The following DISP1 variants were observed in gnomAD, a reference collection of about 807,000 sequenced individuals.
DISP1 encodes dispatched RND transporter family member 1.
In DISP1, 30 loss-of-function variants were observed where a neutral mutation model predicts 37.3. The ratio of observed to expected loss-of-function variants is 0.80; its 90% CI spans 0.60 to 1.09. The LOEUF (loss-of-function observed/expected upper bound fraction) is 1.09. Among genes scored for constraint, DISP1 ranks in the 50% least tolerant of loss-of-function variants. The pLI is 0.00. For missense variants in DISP1, 1,598 were observed against 1,879.5 expected, an observed-to-expected ratio of 0.85 and a Z score of 2.77; for synonymous variants, 634 against 690.2, an observed-to-expected ratio of 0.92 and a Z score of 1.28.
At chr1:222,839,009 G>A (rs1422285150) in intron 1 of DISP1, among the ~76,000 whole-genome samples, 1 of 152,138 alleles carries the variant, frequency 6.6e-6, no homozygotes, top group Non-Finnish European at 1.5e-5. Flanking sequence ...AAAATCTTGG[G>A]AACTCTGTGT....
chr1:223,004,496 G>A lies in DISP1; in HGVS notation c.3099G>A (p.Glu1033=), dbSNP rs777415270. ...GTTCTCTTGTCCTGCTGGGCTGGGAGCTCAATGTGTTGGAATCTGTCACCA... is the reference window on the plus strand; with the variant it reads ...GTTCTCTTGTCCTGCTGGGCTGGGAACTCAATGTGTTGGAATCTGTCACCA... ...TVGSLVLLGW[E]LNVLESVTIS... Residue 1033 remains glutamate, a synonymous_variant, in exon 9 of 9, where the codon GAG becomes GAA. Coordinates refer to ENST00000675850, the MANE Select transcript of DISP1 (RefSeq NM_001377229.1). This position sits in a 1 kb window ranked among gnomAD's most constrained non-coding sequence, Gnocchi z 4.9. 1 of 1,614,248 alleles carries A rather than the reference G, an allele frequency of 6.2e-7. No individual in the cohort carries two copies. Among genetic ancestry groups the A allele is most frequent in the Admixed American group, 1.7e-5 (1 of 60,028 alleles).
At chr1:222,987,867 C>G (rs897631854) in intron 4 of DISP1, among the ~76,000 whole-genome samples, 3 of 151,922 alleles carry the variant, frequency 2.0e-5, no homozygotes, top group Admixed American at 6.5e-5. Context: ...TTTTAATGGT[C>G]TAAAATGTAA....
chr1:222,955,226 A>G (rs1023293836), intron 3 of DISP1, among the ~76,000 whole-genome samples: 2 of 151,960 alleles, frequency 1.3e-5, no homozygotes, highest in Non-Finnish European at 2.9e-5. Context: ...AGCTGGAACT[A>G]CAGATGCATG....
At chr1:222,936,970 TA>T (rs1177200612) in intron 2 of DISP1, among the ~76,000 whole-genome samples, 1 of 65,558 alleles carries the variant, frequency 1.5e-5, no homozygotes, top group Non-Finnish European at 3.3e-5. Flanking sequence ...TATTTATAAA[TA>T]ATATTTTATA....
chr1:222,818,128 A>G (rs145451463), intron 1 of DISP1, among the ~76,000 whole-genome samples: 1 of 151,846 alleles, frequency 6.6e-6, no homozygotes, highest in African/African-American at 2.4e-5. Context: ...TAGAAGAACT[A>G]TTGGATAAAT....
At chr1:222,950,412 A>G (rs1675123866) in intron 3 of DISP1, among the ~76,000 whole-genome samples, 1 of 152,134 alleles carries the variant, frequency 6.6e-6, no homozygotes, top group South Asian at 2.1e-4. Context: ...CGTCCTGGCT[A>G]ACACAGTGAA....
At position 223,004,364 on chromosome 1, in the gene DISP1, G is replaced by T; in HGVS notation, c.2967G>T (p.Gly989=). The part of the protein sequence containing the change: ...SLSDGTLIAM[G]LSVAVAFSVM... ...CCGATGGCACCCTCATTGCCATGGG[G>T]CTGTCAGTTGCTGTTGCATTTAGCG... The change falls in exon 9 of 9, where the codon GGG becomes GGT. Residue 989 remains glycine, a synonymous_variant. Coordinates refer to ENST00000675850, the MANE Select transcript of DISP1 (RefSeq NM_001377229.1). The surrounding 1 kb of genome is among the most constrained non-coding windows in gnomAD (Gnocchi z 4.9). 6.2e-7 allele frequency: 1 copy of T among 1,614,214 alleles called. No homozygotes were observed. The highest frequency in any genetic ancestry group is 8.5e-7 in the Non-Finnish European group (1 of 1,180,042).
Position 223,005,149 on chromosome 1 carries a change from T to C in DISP1, c.3752T>C (p.Leu1251Ser). The C allele has an allele frequency of 6.2e-7, 1 of 1,614,178 alleles. No homozygotes were observed. Among genetic ancestry groups the C allele is most frequent in the Middle Eastern group, 1.6e-4 (1 of 6,062 alleles). ...KSTESDAGSA[L>S]LQPPLEQHTV... ...ACTGAAAGTGACGCTGGCTCTGCCT[T>C]GTTACAGCCCCCTCTTGAACAGCAT... Residue 1251 changes from leucine (L) to serine (S), a missense_variant, in exon 9 of 9, where the codon TTG becomes TCG. Physicochemically the swap from Leu to Ser is moderately radical, Grantham distance 145 (BLOSUM62 -2). Transcript: ENST00000675850.
rs1472139214 is a variant in DISP1 at position 222,991,500 on chromosome 1, C to T, written c.664-20C>T. 6 of 1,613,482 alleles carry T rather than the reference C, an allele frequency of 3.7e-6. No individual in the cohort carries two copies. The East Asian group carries it at 8.9e-5, about 24-fold the overall frequency. On this transcript the variant is annotated intron_variant, in intron 5 of 8. Coordinates refer to ENST00000675850, the MANE Select transcript of DISP1 (RefSeq NM_001377229.1). ...GCCTGAAATGAAATATACTAATGAG[C>T]ACCTGTAATTTTGCCTTAGGGTTTT... is the stretch of plus-strand genomic sequence containing the variant.
At chr1:222,964,274 G>A (rs1450746285) in intron 3 of DISP1, among the ~76,000 whole-genome samples, 1 of 144,620 alleles carries the variant, frequency 6.9e-6, no homozygotes, top group Non-Finnish European at 1.5e-5. Context: ...ACTCCAGCCT[G>A]GCGACAGAGC....
chr1:222,824,694 T>C (rs1663856030), intron 1 of DISP1, among the ~76,000 whole-genome samples: 1 of 152,202 alleles, frequency 6.6e-6, no homozygotes, highest in Non-Finnish European at 1.5e-5. Flanking sequence ...TAAAAATATT[T>C]GCTGCATCAA....
At chr1:222,936,796 T>A (rs1297436026) in intron 2 of DISP1, among the ~76,000 whole-genome samples, 1 of 40,358 alleles carries the variant, frequency 2.5e-5, no homozygotes, top group Admixed American at 3.8e-4. Flanking sequence ...ATATATATAA[T>A]ATATTATATA....
chr1:222,975,960 A>G (rs1329628729), intron 3 of DISP1, among the ~76,000 whole-genome samples: 1 of 152,122 alleles, frequency 6.6e-6, no homozygotes. Flanking sequence ...ACCCAAGCTT[A>G]TCTACACTAC....
chr1:223,002,627 G>A lies in DISP1; in HGVS notation c.1230G>A (p.Lys410=). Residue 410 remains lysine, a synonymous_variant, in exon 9 of 9, where the codon AAG becomes AAA. Coordinates refer to ENST00000675850, the MANE Select transcript of DISP1 (RefSeq NM_001377229.1). The part of the protein sequence containing the change: ...DMAARRKDQL[K]CTNVPRKCTK... ...CAGCCAGAAGAAAGGACCAGCTCAAGTGCACCAATGTGCCACGCAAATGTA... is the reference window on the plus strand; with the variant it reads ...CAGCCAGAAGAAAGGACCAGCTCAAATGCACCAATGTGCCACGCAAATGTA... The A allele has an allele frequency of 3.1e-6, 5 of 1,614,174 alleles. No homozygotes were observed. The highest frequency in any genetic ancestry group is 4.2e-6 in the Non-Finnish European group (5 of 1,180,038).
chr1:222,838,274 G>C (rs1051836033), intron 1 of DISP1, among the ~76,000 whole-genome samples: 1 of 151,844 alleles, frequency 6.6e-6, no homozygotes, highest in Non-Finnish European at 1.5e-5. Flanking sequence ...TCTATAACTT[G>C]TTTTCTTGGA....
At chr1:222,880,692 G>A (rs1280469198) in intron 1 of DISP1, among the ~76,000 whole-genome samples, 2 of 152,116 alleles carry the variant, frequency 1.3e-5, no homozygotes, top group African/African-American at 4.8e-5. Context: ...GAATAAAGAT[G>A]GTTCTGGTGG....
At chr1:222,871,969 C>G (rs1411497509) in intron 1 of DISP1, among the ~76,000 whole-genome samples, 1 of 152,054 alleles carries the variant, frequency 6.6e-6, no homozygotes, top group Non-Finnish European at 1.5e-5. Context: ...CCCATCAATA[C>G]CTAATTTATT....
chr1:222,832,478 A>G (rs758603085), intron 1 of DISP1, among the ~76,000 whole-genome samples: 2 of 152,244 alleles, frequency 1.3e-5, no homozygotes, highest in Non-Finnish European at 2.9e-5. Flanking sequence ...TTTATCATGA[A>G]TATCAAAAAT....
chr1:222,862,497 G>A (rs1572366773), intron 1 of DISP1, among the ~76,000 whole-genome samples: 1 of 144,468 alleles, frequency 6.9e-6, no homozygotes, highest in Admixed American at 6.9e-5. Context: ...AATCCAGTTT[G>A]TTTTCAAATT....
Sources: allele counts gnomAD v4.1 joint callset (sites outside exome capture counted in the v4.1 genomes callset), GRCh38; gene constraint gnomAD v4.1.1; non-coding constraint Gnocchi (gnomAD v3.1); transcripts MANE v1.5; gene names NCBI Gene and HGNC (gene_info 2026-07-23, HGNC 2026-07-21).